The following TAF4B variants were observed in gnomAD, a reference collection of about 807,000 sequenced individuals.
TAF4B encodes TATA-box binding protein associated factor 4b, also known as transcription initiation factor TFIID subunit 4B.
TAF4B carries 38 observed loss-of-function variants against 86.4 expected under a neutral mutation model. The ratio of observed to expected loss-of-function variants is 0.44; its 90% CI spans 0.34 to 0.58. The LOEUF (loss-of-function observed/expected upper bound fraction) is 0.58, where lower values mean the gene tolerates loss of function less well. Ranked by LOEUF, TAF4B falls within the 20% of genes least tolerant of loss-of-function variation. The probability of loss-of-function intolerance (pLI) is 0.02; values close to 1 mark genes in which losing one functional copy is unlikely to be tolerated. For missense variants in TAF4B, 988 were observed against 1,027.6 expected (o/e 0.96, Z 0.53); for synonymous variants, 388 against 391.2 (o/e 0.99, Z 0.10).
rs2144685142 is a variant in TAF4B, at chr18:26,327,003, T to A, written c.2134-12T>A. 2 of 1,610,488 alleles carry A rather than the reference T, an allele frequency of 1.2e-6. No homozygotes were observed. Among genetic ancestry groups the A allele is most frequent in the East Asian group, 4.5e-5 (2 of 44,830 alleles). ...ATCATTATAAGACTTTCTGTTTTCT[T>A]TTTTTTCCCAGGCAAGTGAAAATTA... On this transcript the variant is annotated splice_polypyrimidine_tract_variant and intron_variant, in intron 11 of 14. Coordinates refer to ENST00000269142, the MANE Select transcript of TAF4B (RefSeq NM_005640.3).
chr18:26,335,580 G>A (rs1171916223), intron 13 of TAF4B, among the ~76,000 whole-genome samples: 3 of 152,262 alleles, frequency 2.0e-5, no homozygotes, highest in Non-Finnish European at 4.4e-5. Flanking sequence ...GTAATTGTTC[G>A]TTTTGTAAAT....
chr18:26,233,770 A>G (rs575620599), intron 1 of TAF4B, among the ~76,000 whole-genome samples: 1 of 152,322 alleles, frequency 6.6e-6, no homozygotes, highest in East Asian at 1.9e-4. Flanking sequence ...AGGTATGAAC[A>G]CAGACCAACA....
At chr18:26,303,077 C>CCCCTCCACTTTCATCCT (rs2056755515) in intron 9 of TAF4B, among the ~76,000 whole-genome samples, 3 of 33,624 alleles carry the variant, frequency 8.9e-5, no homozygotes, top group Non-Finnish European at 1.1e-4. Flanking sequence ...ACTTTCATAC[C>CCCCTCCACTTTCATCCT]CCCTCCACTT....
intron 10 of TAF4B, 77 bp downstream of exon 10, chr18:26,315,475 G>C: frequency 3.4e-6 from 4 of 1,192,726 alleles, no homozygotes; most frequent in Non-Finnish European, 4.5e-6. Flanking sequence ...AGACAACCTG[G>C]GTTGGTTGTC....
intron 9 of TAF4B, among the ~76,000 whole-genome samples, chr18:26,303,024 T>G (rs991231574): frequency 1.4e-5 from 2 of 139,170 alleles, no homozygotes; most frequent in East Asian, 3.9e-4. Context: ...TACTTCTCCT[T>G]CTTCTTTATT....
intron 10 of TAF4B, among the ~76,000 whole-genome samples, chr18:26,316,385 T>C (rs1456256469): frequency 1.3e-5 from 2 of 151,946 alleles, no homozygotes; most frequent in Non-Finnish European, 2.9e-5. Flanking sequence ...TTTCTTCTTC[T>C]TCTTCTTTTT....
In TAF4B at chr18:26,264,366, A is replaced by G. The variant is rs568411132; in HGVS notation, c.344-804A>G. Among the ~76,000 whole-genome samples, 41 of 152,316 alleles carry G rather than the reference A, an allele frequency of 2.7e-4. No homozygotes were observed. In the South Asian group the frequency reaches 7.7e-3, roughly 28 times the overall value. ...TGAGGCAGGAGAATCTCTTGAACCC[A>G]GGAGGCGGAGGTTGCAGTGAGCCAA... On this transcript the variant is annotated intron_variant, in intron 1 of 14. Coordinates refer to ENST00000269142, the MANE Select transcript of TAF4B (RefSeq NM_005640.3).
chr18:26,389,754 A>AG, intron 14 of TAF4B, 91 bp from the exon 15 acceptor site: 1 of 1,337,900 alleles, frequency 7.5e-7, no homozygotes, highest in East Asian at 2.4e-5. Context: ...CAGTGACCAG[A>AG]GGGTAGTGGG....
intron 1 of TAF4B, among the ~76,000 whole-genome samples, chr18:26,257,056 A>G (rs1276369291): frequency 6.6e-6 from 1 of 152,208 alleles, no homozygotes; most frequent in Non-Finnish European, 1.5e-5. Flanking sequence ...TACACTTAAG[A>G]ATGCTATTGT....
chr18:26,254,754 T>C (rs1300073649), intron 1 of TAF4B, among the ~76,000 whole-genome samples: 1 of 152,248 alleles, frequency 6.6e-6, no homozygotes, highest in African/African-American at 2.4e-5. Flanking sequence ...GAGCTTTGAT[T>C]CTGCTTTAGA....
In TAF4B at chr18:26,226,942, C is replaced by G; in HGVS notation, c.9C>G (p.Ala3=). 6 of 1,375,612 alleles carry G rather than the reference C, an allele frequency of 4.4e-6. No homozygotes were observed. Among genetic ancestry groups the G allele is most frequent in the Non-Finnish European group, 5.6e-6 (6 of 1,074,176 alleles). The allele number at this position is 1,375,612 out of a possible 1,614,324, so 85.2% of individuals were successfully genotyped here. A position where few individuals can be genotyped will look rare whatever the true frequency, so the allele number is the denominator to read the frequency against. The part of the protein sequence containing the change: MP[A]GLTEPAGAAP... ...CGCTGAGCCCCTGGGGGATGCCCGC[C>G]GGCCTCACCGAACCCGCCGGCGCCG... is the stretch of plus-strand genomic sequence containing the variant. Residue 3 remains alanine (A), a synonymous_variant, in exon 1 of 15, where the codon GCC becomes GCG. Coordinates refer to ENST00000269142, the MANE Select transcript of TAF4B (RefSeq NM_005640.3).
At chr18:26,339,501 A>AT (rs1432139734) in intron 13 of TAF4B, among the ~76,000 whole-genome samples, 25 of 151,932 alleles carry the variant, frequency 1.6e-4, no homozygotes, top group Non-Finnish European at 7.4e-5. Context: ...AATTTTTTAA[A>AT]TTTTTTGGAA....
chr18:26,347,341 G>C (rs1337541467), intron 13 of TAF4B, among the ~76,000 whole-genome samples: 2 of 152,032 alleles, frequency 1.3e-5, no homozygotes, highest in African/African-American at 4.8e-5. Context: ...AGATACTCAA[G>C]GGAGTTTTAC....
intron 12 of TAF4B, among the ~76,000 whole-genome samples, chr18:26,332,766 T>C (rs960739345): frequency 8.5e-5 from 13 of 152,174 alleles, no homozygotes; most frequent in African/African-American, 2.9e-4. Context: ...TCCTGACCTT[T>C]GGTGATCCAC....
At chr18:26,297,455 C>G (rs561229265) in intron 9 of TAF4B, among the ~76,000 whole-genome samples, 1 of 152,302 alleles carries the variant, frequency 6.6e-6, no homozygotes, top group Admixed American at 6.5e-5. Flanking sequence ...GTTTCAGCAG[C>G]TGGACTCGTA....
intron 9 of TAF4B, among the ~76,000 whole-genome samples, chr18:26,312,116 T>C (rs538963130): frequency 6.6e-6 from 1 of 152,340 alleles, no homozygotes; most frequent in East Asian, 1.9e-4. Context: ...AGATTGTCTT[T>C]CACAGCACCT....
chr18:26,265,824 G>C (rs1471534779), intron 2 of TAF4B, among the ~76,000 whole-genome samples: 1 of 152,138 alleles, frequency 6.6e-6, no homozygotes, highest in Admixed American at 6.6e-5. Context: ...CAAAGTGCTG[G>C]GATTATAGGT....
rs774500880 is a variant in TAF4B at position 26,286,022 on chromosome 18, G to A, written c.1113G>A (p.Val371=). The A allele has an allele frequency of 1.4e-5, 23 of 1,614,174 alleles. No individual in the cohort carries two copies. The South Asian group carries it at 2.3e-4, about 16-fold the overall frequency. ...CTTCTCCTGTGGTGACAACTACAGT[G>A]TCCTCAAGCCAGTCTGAAAAGTCAA... The part of the protein sequence containing the change: ...VTTSPVVTTT[V]SSSQSEKSII... Residue 371 remains valine, a synonymous_variant, in exon 7 of 15, where the codon GTG becomes GTA. Coordinates refer to ENST00000269142, the MANE Select transcript of TAF4B (RefSeq NM_005640.3).
At chr18:26,346,859 G>A (rs1415057391) in intron 13 of TAF4B, among the ~76,000 whole-genome samples, 3 of 8,230 alleles carry the variant, frequency 3.6e-4, no homozygotes, top group African/African-American at 6.0e-4. Context: ...ATATATATAT[G>A]TGTATATATA....
Sources: gnomAD v4.1 joint callset for allele counts (sites outside exome capture counted in the v4.1 genomes callset) on GRCh38, gnomAD v4.1.1 for gene constraint, MANE v1.5 for transcripts, NCBI Gene and HGNC (gene_info 2026-07-23, HGNC 2026-07-21) for gene names.